Variants in STAT2 observed in about 807,000 individuals in gnomAD.
STAT2 encodes interferon alpha induced transcriptional activator.
In STAT2, 51 loss-of-function variants were observed where a neutral mutation model predicts 122.3. The observed-to-expected ratio is 0.42, with a 90% CI of 0.33 to 0.53. The LOEUF is 0.53. Ranked by LOEUF, STAT2 falls within the 20% of genes least tolerant of loss-of-function variation. The pLI, the probability that STAT2 is intolerant of heterozygous loss-of-function variation, is 0.10. For missense variants in STAT2, 736 were observed against 1,010.3 expected (o/e 0.73, Z 3.68); for synonymous variants, 351 against 394.9 (o/e 0.89, Z 1.32).
chr12:56,350,082 A>G lies in STAT2; in HGVS notation c.1209+15T>C. 6.3e-7 allele frequency: 1 copy of G among 1,596,874 alleles called. No homozygotes were observed. The highest frequency in any genetic ancestry group is 8.6e-7 in the Non-Finnish European group (1 of 1,166,872). ...AAAAATAGTAATAAAAGCATAGGTC[A>G]CAAACTATTCTTACCAGGTAACCAA... On this transcript the variant is annotated intron_variant, in intron 13 of 23. Coordinates refer to ENST00000314128, the MANE Select transcript of STAT2 (RefSeq NM_005419.4).
chr12:56,350,343 G>C, intron 12 of STAT2, 69 bp downstream of exon 12: 1 of 1,514,354 alleles, frequency 6.6e-7, no homozygotes, highest in Non-Finnish European at 9.0e-7. Context: ...GTGCCACCAG[G>C]GCTGCCGAAT....
In STAT2 at chr12:56,343,759, G is replaced by A. The variant is rs946138780; in HGVS notation, c.2413+66C>T. ...CTTGGAGTTCAGCTTTTTCTGTAAT[G>A]GGAGAGGGAGAAGAGGTAGGAAAGG... On this transcript the variant is annotated intron_variant, in intron 23 of 23. Transcript: ENST00000314128. 4 of 1,587,184 alleles carry A rather than the reference G, an allele frequency of 2.5e-6. No individual in the cohort carries two copies. In the African/African-American group the frequency reaches 5.4e-5, roughly 21 times the overall value.
chr12:56,348,281 G>A (rs1045680964), intron 19 of STAT2, among the ~76,000 whole-genome samples: 1 of 151,734 alleles, frequency 6.6e-6, no homozygotes, highest in African/African-American at 2.4e-5. Flanking sequence ...TAGAGACGGG[G>A]TTTCACCGTG....
chr12:56,348,502 A>G (rs1877893362), intron 19 of STAT2, 27 bp downstream of exon 19: 1 of 1,612,326 alleles, frequency 6.2e-7, no homozygotes, highest in South Asian at 1.1e-5. Flanking sequence ...GCACAAGCCC[A>G]TGAGGGAAGG....
chr12:56,343,167 T>C lies in STAT2; in HGVS notation c.*222A>G. 1.8e-6 allele frequency: 1 copy of C among 567,110 alleles called. No individual in the cohort carries two copies. The highest frequency in any genetic ancestry group is 2.9e-6 in the Non-Finnish European group (1 of 348,408). 35.1% of individuals were successfully genotyped at this position (567,110 alleles called of 1,614,324 possible). A position where few individuals can be genotyped will look rare whatever the true frequency, so the allele number is the denominator to read the frequency against. Reference sequence around the variant, plus strand: ...ACAGCAGGCAGCCTCCAGGATCCTATTTAGACCTATGGCTCAGCATCTGTT... The same window carrying C: ...ACAGCAGGCAGCCTCCAGGATCCTACTTAGACCTATGGCTCAGCATCTGTT... On this transcript the variant is annotated 3_prime_UTR_variant, in exon 24 of 24. Transcript: ENST00000314128.
In STAT2 at chr12:56,344,139, G is replaced by C; in HGVS notation, c.2103-4C>G. 1 of 1,549,972 alleles carries C rather than the reference G, an allele frequency of 6.5e-7. No individual in the cohort carries two copies. The highest frequency in any genetic ancestry group is 8.7e-7 in the Non-Finnish European group (1 of 1,144,690). On this transcript the variant is annotated splice_polypyrimidine_tract_variant and splice_region_variant and intron_variant, in intron 22 of 23. Transcript: ENST00000314128. ...TTGTTGCAGTTCATCCACCTGTCTG[G>C]ATACCCAAAGACAGACAAAGGGGCA...
intron 20 of STAT2, 34 bp from the exon 21 acceptor site, chr12:56,346,658 G>C (rs1217821999): frequency 6.2e-7 from 1 of 1,612,032 alleles, no homozygotes; most frequent in South Asian, 1.1e-5. Context: ...GCGGGCTTGA[G>C]GGAAGAGGCC....
At chr12:56,345,596 T>C (rs1215667470) in intron 22 of STAT2, among the ~76,000 whole-genome samples, 6 of 124,826 alleles carry the variant, frequency 4.8e-5, no homozygotes, top group African/African-American at 1.3e-4. Context: ...GGTGGGTGGA[T>C]TGCTTGAGTC....
intron 8 of STAT2, among the ~76,000 whole-genome samples, chr12:56,353,995 C>CAAAAAAAAAAAAAAAAAA (rs1187550270): frequency 7.8e-5 from 1 of 12,776 alleles, no homozygotes; most frequent in African/African-American, 3.3e-4. Context: ...GACTCCGTCT[C>CAAAAAAAAAAAAAAAAAA]AAAAAAAAAA....
intron 8 of STAT2, among the ~76,000 whole-genome samples, chr12:56,354,039 AT>A (rs1409895620): frequency 1.3e-4 from 11 of 82,366 alleles, no homozygotes; most frequent in African/African-American, 3.9e-4. Context: ...ATATATATAT[AT>A]AAAAAATACT....
intron 19 of STAT2, 22 bp from the exon 20 acceptor site, chr12:56,346,977 T>C (rs1029739292): frequency 3.1e-6 from 5 of 1,613,296 alleles, no homozygotes; most frequent in South Asian, 1.1e-5. Context: ...AGAGCAGCTG[T>C]GAGACACCGC....
chr12:56,350,399 G>C lies in STAT2; in HGVS notation c.1115+13C>G. 1.2e-6 allele frequency: 2 copies of C among 1,605,720 alleles called. No homozygotes were observed. Among genetic ancestry groups the C allele is most frequent in the Non-Finnish European group, 8.5e-7 (1 of 1,176,992 alleles). On this transcript the variant is annotated intron_variant, in intron 12 of 23. Transcript: ENST00000314128. ...CTGTACAGATGTTTGCAGTGTCCTT[G>C]TCAAGCACCTACCCTTGTAATTGAG... is the stretch of plus-strand genomic sequence containing the variant.
chr12:56,358,860 C>T (rs1311340823), intron 1 of STAT2, among the ~76,000 whole-genome samples: 1 of 152,136 alleles, frequency 6.6e-6, no homozygotes, highest in Non-Finnish European at 1.5e-5. Flanking sequence ...CACATCACTA[C>T]ACTCCAGCCT....
intron 12 of STAT2, 45 bp from the exon 13 acceptor site, chr12:56,350,235 C>T (rs748057461): frequency 1.3e-6 from 2 of 1,488,768 alleles, no homozygotes; most frequent in Admixed American, 2.1e-5. Context: ...TGGAATTATT[C>T]TAAAAACTCA....
chr12:56,350,069 A>C, intron 13 of STAT2, 28 bp downstream of exon 13: 1 of 1,570,478 alleles, frequency 6.4e-7, no homozygotes, highest in Non-Finnish European at 8.7e-7. Flanking sequence ...AAATAGTAAT[A>C]AAAGCATAGG....
rs1157971570 is a variant in STAT2 at position 56,354,040 on chromosome 12, T to TATAA, written c.782+425_782+426insTTAT. Among the ~76,000 whole-genome samples the TATAA allele has an allele frequency of 3.0e-3, 162 of 53,336 alleles. 3 individuals carry two copies. Among genetic ancestry groups the TATAA allele is most frequent in the African/African-American group, 8.5e-3 (157 of 18,470 alleles). The allele number at this position is 53,336 out of a possible 152,430, so 35.0% of individuals were successfully genotyped here. A position where few individuals can be genotyped will look rare whatever the true frequency, so the allele number is the denominator to read the frequency against. On this transcript the variant is annotated intron_variant, in intron 8 of 23. Transcript: ENST00000314128. ...AAATATATATATATATATATATATA[T>TATAA]AAAAAATACTGTTAAGCTTAAAAAA...
At position 56,342,360 on chromosome 12, in the gene STAT2, G is replaced by A. The variant is rs1876712309; in HGVS notation, c.*1029C>T. The A allele has an allele frequency of 6.6e-6, 1 of 152,006 alleles. No homozygotes were observed. Among genetic ancestry groups the A allele is most frequent in the African/African-American group, 2.4e-5 (1 of 41,326 alleles). The allele number at this position is 152,006 out of a possible 1,614,324, so 9.4% of individuals were successfully genotyped here. ...CTCATGCCTATAATCCCAGCACTTT[G>A]GGAGGCCAAGGCGTGAGGATCACTT... On this transcript the variant is annotated 3_prime_UTR_variant, in exon 24 of 24. Transcript: ENST00000314128.
chr12:56,355,891 A>G (rs1414880891), intron 3 of STAT2, 88 bp from the exon 4 acceptor site: 2 of 1,399,784 alleles, frequency 1.4e-6, no homozygotes, highest in African/African-American at 2.9e-5. Flanking sequence ...TGTCCACAGT[A>G]TTTCCTCCTC....
chr12:56,348,463 T>A, intron 19 of STAT2, 66 bp downstream of exon 19: 3 of 1,535,480 alleles, frequency 2.0e-6, no homozygotes, highest in Non-Finnish European at 2.7e-6. Context: ...CACGTGAGGG[T>A]GCAGAGACTC....
Sources: allele counts gnomAD v4.1 joint callset (sites outside exome capture counted in the v4.1 genomes callset), GRCh38; gene constraint gnomAD v4.1.1; transcripts MANE v1.5; gene names NCBI Gene and HGNC (gene_info 2026-07-23, HGNC 2026-07-21).